DPP9: variants seen among roughly 807,000 people sequenced by gnomAD.
The protein encoded by DPP9 is dipeptidyl peptidase 9, also known as dipeptidyl peptidase IV-related protein-2.
A neutral mutation model predicts 110.7 loss-of-function variants in DPP9; 50 were observed. That is an observed-to-expected ratio of 0.45 (90% confidence interval 0.36 to 0.57). DPP9 has a LOEUF of 0.57. DPP9 is among the 20% of genes least tolerant of loss of function. The pLI is 0.00. For synonymous variants in DPP9, 561 were observed against 514.4 expected (o/e 1.09, Z -1.23); for missense variants, 1,022 against 1,217.9 (o/e 0.84, Z 2.39).
chr19:4,715,753 A>G (rs905701910), intron 3 of DPP9: 1 of 152,040 alleles, frequency 6.6e-6, no homozygotes, highest in African/African-American at 2.4e-5. Flanking sequence ...TGCAGGTGAA[A>G]GGGTGAATGG....
At chr19:4,719,631 C>T (rs956777283) in intron 3 of DPP9, 7 of 609,224 alleles carry the variant, frequency 1.1e-5, no homozygotes, top group Admixed American at 5.6e-5. Flanking sequence ...GATGGCCCCA[C>T]CCCAGAGAAC....
At chr19:4,681,770 T>C (rs983144219) in intron 20 of DPP9, among the ~76,000 whole-genome samples, 2 of 151,770 alleles carry the variant, frequency 1.3e-5, no homozygotes, top group African/African-American at 2.4e-5. Flanking sequence ...TTTCACCATG[T>C]TGGCCAGGCT....
chr19:4,683,869 C>G (rs1172556556), intron 18 of DPP9: 1 of 1,479,184 alleles, frequency 6.8e-7, no homozygotes, highest in South Asian at 1.2e-5. Context: ...CACGTCCCCT[C>G]TGAGGGCGTC....
At position 4,687,803 on chromosome 19, in the gene DPP9, G is replaced by GT. The variant is rs142659238; in HGVS notation, c.1885+953dup. ...TGCATGGACCACCACTGTTCAAAAGGTTTTTTTTTTTTGAGACGGAGTCTC... is the reference window on the plus strand; with the variant it reads ...TGCATGGACCACCACTGTTCAAAAGGTTTTTTTTTTTTTGAGACGGAGTCTC... On this transcript the variant is annotated intron_variant, in intron 16 of 21. Transcript: ENST00000262960. The surrounding 1 kb of genome is among the most constrained non-coding windows in gnomAD (Gnocchi z 4.7). 1.6e-3 allele frequency among the ~76,000 whole-genome samples: 235 copies of GT among 146,752 alleles called. No individual in the cohort carries two copies. The highest frequency in any genetic ancestry group is 9.9e-3 in the East Asian group (50 of 5,050).
intron 1 of DPP9, chr19:4,722,769 G>A (rs893937795): frequency 1.8e-6 from 1 of 549,430 alleles, no homozygotes; most frequent in African/African-American, 1.9e-5. Flanking sequence ...ACCCAGCAGA[G>A]GAATGCAGGG....
chr19:4,706,656 A>C (rs2092600706), intron 4 of DPP9, among the ~76,000 whole-genome samples: 1 of 152,166 alleles, frequency 6.6e-6, no homozygotes, highest in African/African-American at 2.4e-5. Context: ...TCTCTACTAA[A>C]AACACAAAAA....
At chr19:4,713,790 G>A (rs1426359597) in intron 4 of DPP9, among the ~76,000 whole-genome samples, 3 of 152,164 alleles carry the variant, frequency 2.0e-5, no homozygotes. Flanking sequence ...TCCGGGCTTG[G>A]AGCCACAGGG....
At chr19:4,717,617 C>G (rs1599954285) in intron 3 of DPP9, 1 of 152,218 alleles carries the variant, frequency 6.6e-6, no homozygotes, top group Non-Finnish European at 1.5e-5. Flanking sequence ...TATCTTGCCT[C>G]TGATCACCAC....
intron 4 of DPP9, among the ~76,000 whole-genome samples, chr19:4,713,637 C>T (rs898093040): frequency 1.1e-4 from 16 of 152,338 alleles, no homozygotes; most frequent in East Asian, 3.9e-4. Context: ...ACCTCCACGG[C>T]GAGCTCCTCC....
rs1047797987 is a variant in DPP9, at chr19:4,718,093, AT to A, written c.56+1757del. ...CTGTGATCTCCTTTTTAAATTTTTC[AT>A]TTTTTTTAAGAGATGGGGTCTTGCT... On this transcript the variant is annotated intron_variant, in intron 3 of 21. Coordinates refer to ENST00000262960, the MANE Select transcript of DPP9 (RefSeq NM_139159.5). This position sits in a 1 kb window ranked among gnomAD's most constrained non-coding sequence, Gnocchi z 4.3. Among the ~76,000 whole-genome samples, 2 of 151,820 alleles carry A rather than the reference AT, an allele frequency of 1.3e-5. No homozygotes were observed. Among genetic ancestry groups the A allele is most frequent in the African/African-American group, 2.4e-5 (1 of 41,294 alleles).
chr19:4,697,723 G>A (rs1206542073), intron 10 of DPP9, 72 bp from the exon 11 acceptor site: 9 of 1,286,138 alleles, frequency 7.0e-6, no homozygotes, highest in Admixed American at 2.0e-5. Context: ...AGGCCACTGC[G>A]CTGGGTCCCA....
Position 4,695,422 on chromosome 19 carries a change from G to T in DPP9, c.1309C>A (p.Gln437Lys). ...ASARAVPRNV[Q>K]PYVVYEEVTN... ...ACCTCCTCGTACACCACATACGGCTGGACATTCCTGGGGACAGCTCTGGCA... is the reference window on the plus strand; with the variant it reads ...ACCTCCTCGTACACCACATACGGCTTGACATTCCTGGGGACAGCTCTGGCA... Residue 437 changes from glutamine (Q) to lysine (K), a missense_variant, in exon 12 of 22, where the codon CAG becomes AAG. Coordinates refer to ENST00000262960, the MANE Select transcript of DPP9 (RefSeq NM_139159.5). The surrounding 1 kb of genome is among the most constrained non-coding windows in gnomAD (Gnocchi z 4.7). The T allele has an allele frequency of 6.3e-7, 1 of 1,594,606 alleles. No homozygotes were observed. Among genetic ancestry groups the T allele is most frequent in the African/African-American group, 1.3e-5 (1 of 74,350 alleles).
intron 21 of DPP9, among the ~76,000 whole-genome samples, chr19:4,678,589 T>C (rs1182808843): frequency 6.6e-6 from 1 of 152,018 alleles, no homozygotes; most frequent in Non-Finnish European, 1.5e-5. Context: ...TGAAGTTCCA[T>C]TCCAGCCCTG....
At chr19:4,716,154 T>A (rs533421725) in intron 3 of DPP9, 7 of 152,292 alleles carry the variant, frequency 4.6e-5, no homozygotes, top group African/African-American at 1.7e-4. Context: ...CAGCAGGGAC[T>A]GGGTGTGAGA....
intron 4 of DPP9, among the ~76,000 whole-genome samples, chr19:4,713,845 G>GC (rs1017916845): frequency 2.0e-5 from 3 of 152,152 alleles, no homozygotes; most frequent in African/African-American, 4.8e-5. Flanking sequence ...GAGCGGGGCT[G>GC]CCCTGTGCAT....
chr19:4,701,493 C>T (rs752387249), intron 9 of DPP9, among the ~76,000 whole-genome samples: 3 of 152,192 alleles, frequency 2.0e-5, no homozygotes, highest in African/African-American at 7.2e-5. Flanking sequence ...AACAAACAAA[C>T]ACCACTGTAG....
At chr19:4,701,057 C>T (rs1189723043) in intron 9 of DPP9, among the ~76,000 whole-genome samples, 6 of 152,216 alleles carry the variant, frequency 3.9e-5, no homozygotes, top group Admixed American at 6.5e-5. Context: ...TGGGCAATAA[C>T]GATGCTCTTA....
chr19:4,690,781 GTGTA>G (rs770742995), intron 14 of DPP9, 93 bp downstream of exon 14: 5 of 906,646 alleles, frequency 5.5e-6, no homozygotes, highest in Admixed American at 4.0e-5. Flanking sequence ...ATGTGTGTGA[GTGTA>G]TGTGTGTGTA....
At position 4,685,885 on chromosome 19, in the gene DPP9, C is replaced by T. The variant is rs1263394364; in HGVS notation, c.1886-114G>A. On this transcript the variant is annotated intron_variant, in intron 16 of 21. Coordinates refer to ENST00000262960, the MANE Select transcript of DPP9 (RefSeq NM_139159.5). The surrounding 1 kb of genome is among the most constrained non-coding windows in gnomAD (Gnocchi z 5.8). ...GGTGGACCAAAGCACCCCCTCTTTT[C>T]CTGGGCTTCCCGAGAGTTGATAATT... The T allele has an allele frequency of 4.8e-6, 6 of 1,256,776 alleles. No homozygotes were observed. The highest frequency in any genetic ancestry group is 6.5e-6 in the Non-Finnish European group (6 of 919,888). The allele number at this position is 1,256,776 out of a possible 1,614,324, so 77.9% of individuals were successfully genotyped here. A position where few individuals can be genotyped will look rare whatever the true frequency, so the allele number is the denominator to read the frequency against.
Sources: gnomAD v4.1 joint callset for allele counts (sites outside exome capture counted in the v4.1 genomes callset) on GRCh38, gnomAD v4.1.1 for gene constraint, Gnocchi (gnomAD v3.1) non-coding constraint, MANE v1.5 for transcripts, NCBI Gene and HGNC (gene_info 2026-07-23, HGNC 2026-07-21) for gene names.